Variants in CSGALNACT1 observed in about 807,000 individuals in gnomAD.
The protein encoded by CSGALNACT1 is chondroitin sulfate N-acetylgalactosaminyltransferase 1.
Under a neutral mutation model 51.0 loss-of-function variants are expected in CSGALNACT1, and 52 were observed. The ratio of observed to expected loss-of-function variants is 1.02; its 90% CI spans 0.82 to 1.29. The LOEUF is 1.29. Ranked by LOEUF, CSGALNACT1 falls within the 50% of genes most tolerant of loss-of-function variation. The probability of loss-of-function intolerance (pLI) is 0.00; values close to 1 mark genes in which losing one functional copy is unlikely to be tolerated. For synonymous variants in CSGALNACT1, 341 were observed against 254.4 expected (o/e 1.34, Z -3.24); for missense variants, 935 against 679.2 (o/e 1.38, Z -4.19).
chr8:19,441,346 G>T lies in CSGALNACT1; in HGVS notation c.852-1415C>A, dbSNP rs553013850. 3.3e-5 allele frequency among the ~76,000 whole-genome samples: 5 copies of T among 152,304 alleles called. No individual in the cohort carries two copies. The South Asian group carries it at 1.0e-3, about 32-fold the overall frequency. On this transcript the variant is annotated intron_variant, in intron 5 of 9. Coordinates refer to ENST00000454498, the Ensembl canonical transcript of CSGALNACT1. ...CCACAAGGCTACAGTCACCAAAACA[G>T]CATGGTAGTGGTACCAAAACAGAGA... is the stretch of plus-strand genomic sequence containing the variant.
chr8:19,642,134 T>G (rs925849115), intron 1 of CSGALNACT1: 1 of 152,218 alleles, frequency 6.6e-6, no homozygotes, highest in African/African-American at 2.4e-5. Context: ...TGAATCATTT[T>G]GTTAGCTTTA....
chr8:19,556,699 T>C (rs77975083), intron 3 of CSGALNACT1, among the ~76,000 whole-genome samples: 2 of 152,106 alleles, frequency 1.3e-5, no homozygotes. Context: ...CTTTTTTTTT[T>C]CTCTCCTAGG....
chr8:19,666,972 A>C (rs192479772), intron 1 of CSGALNACT1, among the ~76,000 whole-genome samples: 2 of 8,504 alleles, frequency 2.4e-4, no homozygotes, highest in African/African-American at 1.7e-3. Context: ...AGAAAGAAAG[A>C]AAGAAAGAAA....
intron 9 of CSGALNACT1, among the ~76,000 whole-genome samples, chr8:19,408,158 G>T (rs1228349593): frequency 6.6e-6 from 1 of 152,182 alleles, no homozygotes; most frequent in Admixed American, 6.5e-5. Flanking sequence ...AAGACTTGCT[G>T]CAAAGCTGCC....
intron 3 of CSGALNACT1, among the ~76,000 whole-genome samples, chr8:19,546,168 A>G (rs2154076768): frequency 6.6e-6 from 1 of 152,300 alleles, no homozygotes; most frequent in East Asian, 1.9e-4. Context: ...AATTCAGCAG[A>G]ATATATTTTT....
Position 19,408,834 on chromosome 8 carries a change from G to A in CSGALNACT1, c.1228-140C>T, listed in dbSNP as rs144372168. The A allele has an allele frequency of 1.6e-5, 12 of 754,596 alleles. No homozygotes were observed. The East Asian group carries it at 3.2e-4, about 20-fold the overall frequency. 46.7% of individuals were successfully genotyped at this position (754,596 alleles called of 1,614,324 possible). On this transcript the variant is annotated intron_variant, in intron 8 of 9. Coordinates refer to ENST00000454498, the Ensembl canonical transcript of CSGALNACT1. ...AGCCTCCACTGGTGCAGGAAACGCAGATGGATTTGAGTCCTTGCAGACAGT... is the reference window on the plus strand; with the variant it reads ...AGCCTCCACTGGTGCAGGAAACGCAAATGGATTTGAGTCCTTGCAGACAGT...
chr8:19,552,283 A>G (rs542529563), intron 3 of CSGALNACT1, among the ~76,000 whole-genome samples: 1 of 152,204 alleles, frequency 6.6e-6, no homozygotes, highest in Non-Finnish European at 1.5e-5. Flanking sequence ...TGGACTTAAG[A>G]TATCACATAA....
At chr8:19,535,286 C>A (rs1351047005) in intron 3 of CSGALNACT1, among the ~76,000 whole-genome samples, 1 of 152,144 alleles carries the variant, frequency 6.6e-6, no homozygotes, top group Non-Finnish European at 1.5e-5. Context: ...GCGTGTTCTT[C>A]TAGCACCTCA....
At chr8:19,584,174 T>C (rs969703529) in intron 3 of CSGALNACT1, among the ~76,000 whole-genome samples, 9 of 152,228 alleles carry the variant, frequency 5.9e-5, no homozygotes, top group Non-Finnish European at 1.2e-4. Context: ...TCTGCTGTTT[T>C]TTCATCTGCA....
At chr8:19,418,083 C>T (rs2057238768) in intron 8 of CSGALNACT1, among the ~76,000 whole-genome samples, 1 of 152,146 alleles carries the variant, frequency 6.6e-6, no homozygotes, top group Non-Finnish European at 1.5e-5. Flanking sequence ...TGAGAGCCAC[C>T]TTGCCAGTGA....
chr8:19,509,537 G>C (rs138469920), intron 3 of CSGALNACT1, among the ~76,000 whole-genome samples: 1 of 146,804 alleles, frequency 6.8e-6, no homozygotes, highest in Non-Finnish European at 1.5e-5. Flanking sequence ...CACGAGAATC[G>C]CTTGAACCCG....
At chr8:19,729,761 T>A (rs1010082856) in intron 1 of CSGALNACT1, among the ~76,000 whole-genome samples, 1 of 152,006 alleles carries the variant, frequency 6.6e-6, no homozygotes, top group Non-Finnish European at 1.5e-5. Flanking sequence ...TCCTCTGCTT[T>A]GACCACACAG....
At chr8:19,435,465 C>A (rs369968130) in intron 6 of CSGALNACT1, among the ~76,000 whole-genome samples, 1 of 150,424 alleles carries the variant, frequency 6.6e-6, no homozygotes, top group East Asian at 1.9e-4. Flanking sequence ...TGCACTCCAG[C>A]CTGGTAAAAA....
intron 3 of CSGALNACT1, among the ~76,000 whole-genome samples, chr8:19,584,757 A>C (rs537209935): frequency 4.7e-4 from 72 of 152,340 alleles, no homozygotes; most frequent in Admixed American, 3.5e-3. Context: ...ATAGCAGTAC[A>C]AAGTAAGCAT....
chr8:19,509,233 C>A (rs2077969200), intron 3 of CSGALNACT1, among the ~76,000 whole-genome samples: 1 of 152,196 alleles, frequency 6.6e-6, no homozygotes, highest in Non-Finnish European at 1.5e-5. Flanking sequence ...GGAGTATCTG[C>A]TTCCTGAAGT....
rs1173105229 is a variant in CSGALNACT1, at chr8:19,458,367, A to G, written c.851+59T>C. On this transcript the variant is annotated intron_variant, in intron 5 of 9. Coordinates refer to ENST00000454498, the Ensembl canonical transcript of CSGALNACT1. Reference sequence around the variant, plus strand: ...GAAATGAAGGAGATGACGGGAAATGATATCAGTGTTCTAACACACATCATG... The same window carrying G: ...GAAATGAAGGAGATGACGGGAAATGGTATCAGTGTTCTAACACACATCATG... The G allele has an allele frequency of 1.7e-5, 22 of 1,313,894 alleles. No individual in the cohort carries two copies. In the Middle Eastern group the frequency reaches 5.7e-4, roughly 34 times the overall value. 81.4% of individuals were successfully genotyped at this position (1,313,894 alleles called of 1,614,324 possible).
At chr8:19,420,544 A>T in intron 6 of CSGALNACT1, 26 bp from the exon 6 acceptor site, 1 of 1,610,548 alleles carries the variant, frequency 6.2e-7, no homozygotes, top group East Asian at 2.2e-5. Flanking sequence ...AGGTACTGTC[A>T]CTCACATTCC....
chr8:19,727,327 ATTTGGTTTGGTTTGG>A (rs61695239), intron 1 of CSGALNACT1, among the ~76,000 whole-genome samples: 10 of 150,980 alleles, frequency 6.6e-5, no homozygotes, highest in Middle Eastern at 3.5e-3. Context: ...GTTTTGTTTG[ATTTGGTTTGGTTTGG>A]TTTGGTTTGG....
chr8:19,527,376 G>A (rs1417077747), intron 3 of CSGALNACT1, among the ~76,000 whole-genome samples: 3 of 152,072 alleles, frequency 2.0e-5, no homozygotes, highest in South Asian at 2.1e-4. Flanking sequence ...TGAGGAGGGT[G>A]GATCACTTGA....
Sources: allele counts gnomAD v4.1 joint callset (sites outside exome capture counted in the v4.1 genomes callset), GRCh38; gene constraint gnomAD v4.1.1; transcripts MANE v1.5; gene names NCBI Gene and HGNC (gene_info 2026-07-23, HGNC 2026-07-21).